IFT122: variants seen among roughly 807,000 people sequenced by gnomAD.
The protein encoded by IFT122 is intraflagellar transport 122.
A neutral mutation model predicts 161.6 loss-of-function variants in IFT122; 118 were observed. The ratio of observed to expected loss-of-function variants is 0.73; its 90% CI spans 0.63 to 0.85. IFT122 has a LOEUF of 0.85. Ranked by LOEUF, IFT122 falls within the 40% of genes least tolerant of loss-of-function variation. IFT122 has a pLI of 0.00. For synonymous variants in IFT122, 550 were observed against 602.4 expected (o/e 0.91, Z 1.27); for missense variants, 1,381 against 1,579.6 (o/e 0.87, Z 2.13).
chr3:129,511,377 A>G (rs1433034029), intron 23 of IFT122, among the ~76,000 whole-genome samples: 1 of 152,212 alleles, frequency 6.6e-6, no homozygotes. Flanking sequence ...GAACTGAAGA[A>G]GTGTAGAGCA....
At chr3:129,454,513 TTGTGTGTGTG>T (rs61557048) in intron 3 of IFT122, among the ~76,000 whole-genome samples, 58 of 131,280 alleles carry the variant, frequency 4.4e-4, no homozygotes, top group South Asian at 2.7e-3. Flanking sequence ...GTAGTCATAT[TTGTGTGTGTG>T]TGTGTGTGTG....
chr3:129,457,633 A>G (rs1312822095), intron 3 of IFT122, among the ~76,000 whole-genome samples: 1 of 151,944 alleles, frequency 6.6e-6, no homozygotes, highest in Non-Finnish European at 1.5e-5. Flanking sequence ...ACCAAAGGGT[A>G]GTTTCAGTCA....
chr3:129,520,112 GC>G, intron 29 of IFT122, 63 bp from the exon 30 acceptor site: 1 of 1,372,726 alleles, frequency 7.3e-7, no homozygotes. Flanking sequence ...GTGCGTCCTG[GC>G]CCCAGGCGTA....
chr3:129,519,139 GACTCC>G lies in IFT122; in HGVS notation c.3426_3430del (p.Ser1143ArgfsTer3), dbSNP rs1299632365. On this transcript the variant is annotated frameshift_variant, in exon 28 of 30. Transcript: ENST00000348417. LOFTEE classifies it high-confidence loss of function. ...GATTCTGCGGCTAGTGGAGACCAAG[GACTCC>G]ATCGGAGATGAGGACCCGTTCACAG... 1 of 1,614,104 alleles carries G rather than the reference GACTCC, an allele frequency of 6.2e-7. No individual in the cohort carries two copies. Among genetic ancestry groups the G allele is most frequent in the Admixed American group, 1.7e-5 (1 of 60,030 alleles).
intron 9 of IFT122, among the ~76,000 whole-genome samples, chr3:129,474,473 G>C (rs1047820446): frequency 2.0e-5 from 3 of 152,186 alleles, no homozygotes; most frequent in Non-Finnish European, 4.4e-5. Context: ...GATTAACCCT[G>C]TGTCTACAGA....
intron 9 of IFT122, among the ~76,000 whole-genome samples, chr3:129,474,017 A>T (rs2077643965): frequency 6.6e-6 from 1 of 152,140 alleles, no homozygotes; most frequent in Non-Finnish European, 1.5e-5. Context: ...AAGAATTTTT[A>T]GTTTTCTTGT....
chr3:129,451,969 C>T lies in IFT122; in HGVS notation c.164C>T (p.Thr55Ile). Reference sequence around the variant, plus strand: ...CAGCCCCTCAAGGGACACAAAGACACTGTGTACTGTGTGGCATATGCGAAG... The same window carrying T: ...CAGCCCCTCAAGGGACACAAAGACATTGTGTACTGTGTGGCATATGCGAAG... The part of the protein sequence containing the change: ...LLQPLKGHKD[T>I]VYCVAYAKDG... The change falls in exon 3 of 30, where the codon ACT (threonine) becomes ATT (isoleucine). Residue 55 changes from threonine to isoleucine, a missense_variant. Physicochemically the swap from Thr to Ile is moderately conservative, Grantham distance 89. Transcript: ENST00000348417. 6.2e-7 allele frequency: 1 copy of T among 1,613,952 alleles called. No individual in the cohort carries two copies. The highest frequency in any genetic ancestry group is 1.3e-5 in the African/African-American group (1 of 75,058).
chr3:129,450,889 T>A (rs1258366325), intron 2 of IFT122, among the ~76,000 whole-genome samples: 1 of 151,726 alleles, frequency 6.6e-6, no homozygotes, highest in Non-Finnish European at 1.5e-5. Flanking sequence ...CTCAGCTAAT[T>A]TTTTGTATTT....
In IFT122 at chr3:129,515,568, C is replaced by T. The variant is rs781733102; in HGVS notation, c.3234C>T (p.Arg1078=). 39 of 1,538,466 alleles carry T rather than the reference C, an allele frequency of 2.5e-5. No homozygotes were observed. Among genetic ancestry groups the T allele is most frequent in the Non-Finnish European group, 3.2e-5 (36 of 1,114,362 alleles). The change falls in exon 26 of 30, where the codon CGC becomes CGT. Residue 1078 remains arginine, a synonymous_variant. Coordinates refer to ENST00000348417, the MANE Select transcript of IFT122 (RefSeq NM_052989.3). ...NNLGNVCINC[R]QPFIFSASSY... ...TGGGCAACGTCTGCATCAACTGCCG[C>T]CAGCCCTTCATCTTCTCCGCCTCTT... is the stretch of plus-strand genomic sequence containing the variant.
At position 129,495,764 on chromosome 3, in the gene IFT122, C is replaced by T. The variant is rs544468778; in HGVS notation, c.2208+157C>T. ...AACTGGTAAACAAAGGACCCATCTA[C>T]AGCCACTGGTTGAAACTCACCTAAA... On this transcript the variant is annotated intron_variant, in intron 18 of 29. Coordinates refer to ENST00000348417, the MANE Select transcript of IFT122 (RefSeq NM_052989.3). Among the ~76,000 whole-genome samples the T allele has an allele frequency of 1.5e-4, 23 of 152,328 alleles. No homozygotes were observed. In the South Asian group the frequency reaches 4.4e-3, roughly 29 times the overall value.
chr3:129,504,471 C>A, intron 21 of IFT122, 50 bp downstream of exon 21: 1 of 1,433,400 alleles, frequency 7.0e-7, no homozygotes. Flanking sequence ...GAAGTTACTG[C>A]CAAGACATAC....
chr3:129,464,743 CCT>C lies in IFT122; in HGVS notation c.529_530del (p.Ser177AlafsTer23). The C allele has an allele frequency of 6.2e-7, 1 of 1,614,068 alleles. No individual in the cohort carries two copies. Among genetic ancestry groups the C allele is most frequent in the Non-Finnish European group, 8.5e-7 (1 of 1,180,008 alleles). ...TAAAGATCGAGCGGCCGGGGGGCTCCCTCTCGCCAATATGGTCCATCTGCTGG... is the reference window on the plus strand; with the variant it reads ...TAAAGATCGAGCGGCCGGGGGGCTCCCTCGCCAATATGGTCCATCTGCTGG... ...KVKIERPGGS[L>X]SPIWSICWNP... On this transcript the variant is annotated frameshift_variant, in exon 7 of 30. Coordinates refer to ENST00000348417, the MANE Select transcript of IFT122 (RefSeq NM_052989.3). LOFTEE classifies it high-confidence loss of function.
At chr3:129,471,799 A>G (rs2077396635) in intron 9 of IFT122, among the ~76,000 whole-genome samples, 1 of 152,218 alleles carries the variant, frequency 6.6e-6, no homozygotes, top group African/African-American at 2.4e-5. Flanking sequence ...AGTCTGAGGT[A>G]TAATTTGTGT....
intron 27 of IFT122, among the ~76,000 whole-genome samples, chr3:129,518,887 G>A (rs1451282028): frequency 1.3e-5 from 2 of 152,240 alleles, no homozygotes; most frequent in African/African-American, 4.8e-5. Flanking sequence ...GGCCCTGGGA[G>A]CTATGGTGTG....
intron 23 of IFT122, among the ~76,000 whole-genome samples, chr3:129,509,763 C>G (rs748137931): frequency 1.4e-4 from 21 of 152,202 alleles, no homozygotes; most frequent in Non-Finnish European, 2.6e-4. Flanking sequence ...GTGTTCCTAG[C>G]CTTTCCCTCC....
At chr3:129,485,528 G>C (rs1036021752) in intron 15 of IFT122, among the ~76,000 whole-genome samples, 14 of 152,228 alleles carry the variant, frequency 9.2e-5, no homozygotes, top group Admixed American at 6.5e-5. Context: ...GGCACGAACA[G>C]CTTCTCCTGG....
At position 129,517,458 on chromosome 3, in the gene IFT122, A is replaced by G. The variant is rs1205472869; in HGVS notation, c.3266-11A>G. ...CTCCAGCCCCCTCAGCCCTTTCTCT[A>G]TGCCCTCCAGACGTGCTACACCTGG... On this transcript the variant is annotated splice_polypyrimidine_tract_variant and intron_variant, in intron 26 of 29. Coordinates refer to ENST00000348417, the MANE Select transcript of IFT122 (RefSeq NM_052989.3). 5.0e-6 allele frequency: 8 copies of G among 1,612,820 alleles called. No homozygotes were observed. Among genetic ancestry groups the G allele is most frequent in the African/African-American group, 2.7e-5 (2 of 74,908 alleles).
chr3:129,511,489 G>A lies in IFT122; in HGVS notation c.2887-823G>A, dbSNP rs140874687. Among the ~76,000 whole-genome samples the A allele has an allele frequency of 4.6e-5, 7 of 152,324 alleles. No individual in the cohort carries two copies. In the East Asian group the frequency reaches 1.3e-3, roughly 29 times the overall value. On this transcript the variant is annotated intron_variant, in intron 23 of 29. Coordinates refer to ENST00000348417, the MANE Select transcript of IFT122 (RefSeq NM_052989.3). ...CCTTCTTAAGTGCTCACAAGAAAGA[G>A]GAGTTACTGGCCTGCTGTAATCCTC...
chr3:129,502,818 A>G lies in IFT122; in HGVS notation c.2483A>G (p.Tyr828Cys). Residue 828 changes from tyrosine to cysteine, a missense_variant, in exon 20 of 30, where the codon TAC becomes TGC. Transcript: ENST00000348417. ...LDSPGYAAET[Y>C]LKMGDLKSLV... ...AGCCCTGGCTATGCTGCTGAGACCT[A>G]CCTGAAGATGGGTGACCTCAAGTCC... is the stretch of plus-strand genomic sequence containing the variant. 1 of 1,613,200 alleles carries G rather than the reference A, an allele frequency of 6.2e-7. No individual in the cohort carries two copies. The highest frequency in any genetic ancestry group is 8.5e-7 in the Non-Finnish European group (1 of 1,180,018).
Sources: gnomAD v4.1 joint callset for allele counts (sites outside exome capture counted in the v4.1 genomes callset) on GRCh38, gnomAD v4.1.1 for gene constraint, MANE v1.5 for transcripts, NCBI Gene and HGNC (gene_info 2026-07-23, HGNC 2026-07-21) for gene names.